The following BANP variants were observed in gnomAD, a reference collection of about 807,000 sequenced individuals.
BANP encodes the protein protein BANP.
A neutral mutation model predicts 68.1 loss-of-function variants in BANP; 11 were observed. The ratio of observed to expected loss-of-function variants is 0.16; its 90% CI spans 0.10 to 0.27. BANP has a LOEUF of 0.27. BANP is among the 10% of genes least tolerant of loss of function. The pLI, the probability that BANP is intolerant of heterozygous loss-of-function variation, is 1.00. For synonymous variants in BANP, 329 were observed against 303.2 expected (o/e 1.09, Z -0.88); for missense variants, 504 against 722.7 (o/e 0.70, Z 3.47).
intron 4 of BANP, among the ~76,000 whole-genome samples, chr16:87,985,203 G>C (rs1390531228): frequency 2.6e-5 from 4 of 152,216 alleles, no homozygotes; most frequent in African/African-American, 2.4e-5. Flanking sequence ...CATGACGGCT[G>C]CTGTGCTGGC....
chr16:87,959,153 G>T (rs149267509), intron 1 of BANP, among the ~76,000 whole-genome samples: 18 of 152,254 alleles, frequency 1.2e-4, no homozygotes, highest in African/African-American at 4.3e-4. Flanking sequence ...TTCTGGCCTT[G>T]TGGGGCGTGG....
Position 88,004,953 on chromosome 16 carries a change from C to G in BANP, c.479+542C>G, listed in dbSNP as rs948237251. Among the ~76,000 whole-genome samples the G allele has an allele frequency of 1.4e-4, 21 of 152,208 alleles. No homozygotes were observed. Among genetic ancestry groups the G allele is most frequent in the African/African-American group, 5.1e-4 (21 of 41,450 alleles). ...CAGTGGCCTCTGGCTGGCATCCAAG[C>G]CCTGCTGTCCCCAGGAGTGCCCCTG... On this transcript the variant is annotated intron_variant, in intron 5 of 13. Coordinates refer to ENST00000682872, the MANE Select transcript of BANP (RefSeq NM_001386991.1). The surrounding 1 kb of genome is among the most constrained non-coding windows in gnomAD (Gnocchi z 7.0).
chr16:88,075,519 G>A (rs2091409673), intron 13 of BANP, among the ~76,000 whole-genome samples: 1 of 152,070 alleles, frequency 6.6e-6, no homozygotes. Context: ...ATAAAATGAA[G>A]CAGGACCTTA....
intron 1 of BANP, among the ~76,000 whole-genome samples, chr16:87,954,222 A>G (rs552382455): frequency 6.6e-6 from 1 of 151,984 alleles, no homozygotes; most frequent in African/African-American, 2.4e-5. Flanking sequence ...GGGCTTTAAT[A>G]TGTGTTCACA....
chr16:88,044,470 T>C (rs2081509497), intron 11 of BANP, among the ~76,000 whole-genome samples: 1 of 152,242 alleles, frequency 6.6e-6, no homozygotes, highest in Non-Finnish European at 1.5e-5. Flanking sequence ...TTTTTTATTG[T>C]TTTCTGTTCT....
chr16:88,044,392 C>T (rs571982600), intron 11 of BANP, among the ~76,000 whole-genome samples: 5 of 152,324 alleles, frequency 3.3e-5, no homozygotes, highest in African/African-American at 9.6e-5. Flanking sequence ...CCCTCGCTCA[C>T]GTGTGTGCAC....
chr16:87,972,121 A>G lies in BANP; in HGVS notation c.-68-2927A>G, dbSNP rs529812567. ...TTTCATCTTTAGCATCTCCTATTAT[A>G]CATATGTTGGGTCTTCTTTTCCTGT... On this transcript the variant is annotated intron_variant, in intron 1 of 13. Coordinates refer to ENST00000682872, the MANE Select transcript of BANP (RefSeq NM_001386991.1). Among the ~76,000 whole-genome samples, 3 of 152,026 alleles carry G rather than the reference A, an allele frequency of 2.0e-5. No homozygotes were observed. In the East Asian group the frequency reaches 5.8e-4, roughly 29 times the overall value.
intron 11 of BANP, among the ~76,000 whole-genome samples, chr16:88,060,679 G>C (rs1485157433): frequency 6.6e-6 from 1 of 152,210 alleles, no homozygotes; most frequent in Non-Finnish European, 1.5e-5. Context: ...CTCACCGTCA[G>C]CTCTGGGCTG....
intron 11 of BANP, among the ~76,000 whole-genome samples, chr16:88,058,472 C>G (rs565484095): frequency 6.6e-6 from 1 of 152,296 alleles, no homozygotes; most frequent in African/African-American, 2.4e-5. Context: ...TCCTAAGTGA[C>G]TCAAGCACAG....
At chr16:87,967,537 ACT>A (rs2060262674) in intron 1 of BANP, among the ~76,000 whole-genome samples, 1 of 150,712 alleles carries the variant, frequency 6.6e-6, no homozygotes, top group African/African-American at 2.4e-5. Flanking sequence ...CTCACCGCAA[ACT>A]CTGCCTCCTG....
Position 88,024,134 on chromosome 16 carries a change from G to GAGGGAGCTC in BANP, c.896-3345_896-3337dup, listed in dbSNP as rs1275144843. Among the ~76,000 whole-genome samples the GAGGGAGCTC allele has an allele frequency of 2.6e-5, 4 of 152,324 alleles. No homozygotes were observed. In the East Asian group the frequency reaches 5.8e-4, roughly 22 times the overall value. On this transcript the variant is annotated intron_variant, in intron 7 of 13. Coordinates refer to ENST00000682872, the MANE Select transcript of BANP (RefSeq NM_001386991.1). ...GCAGGGGCTGCAGGTGCCTTGGGCT[G>GAGGGAGCTC]AGGGAGCTCAGGACAGCAGAGTCAC...
intron 2 of BANP, among the ~76,000 whole-genome samples, chr16:87,975,546 A>T (rs1055780779): frequency 2.0e-5 from 3 of 147,450 alleles, no homozygotes; most frequent in African/African-American, 5.1e-5. Context: ...GCGTCATGGA[A>T]CCTTACCATG....
At chr16:87,950,837 G>T (rs1367136788), upstream of BANP, 1 of 152,312 alleles carries the variant, frequency 6.6e-6, no homozygotes, top group African/African-American at 2.4e-5. Flanking sequence ...AGGCCCCTCT[G>T]GATAGACACT....
intron 10 of BANP, 127 bp downstream of exon 10, chr16:88,035,521 A>C: frequency 1.2e-6 from 1 of 833,790 alleles, no homozygotes; most frequent in Admixed American, 2.5e-5. Flanking sequence ...CAAGGGCTGC[A>C]GGACTCCGCT....
chr16:88,001,264 C>A (rs187672695), intron 4 of BANP, among the ~76,000 whole-genome samples: 1 of 102,722 alleles, frequency 9.7e-6, no homozygotes, highest in African/African-American at 4.5e-5. Flanking sequence ...ACTTACCTGT[C>A]CTTCCAGACA....
intron 1 of BANP, among the ~76,000 whole-genome samples, chr16:87,968,709 T>A (rs2060568396): frequency 6.6e-6 from 1 of 152,052 alleles, no homozygotes; most frequent in Non-Finnish European, 1.5e-5. Flanking sequence ...GCTATGTGGT[T>A]TCTGCTTCCC....
At chr16:87,994,009 A>G (rs1383331862) in intron 4 of BANP, among the ~76,000 whole-genome samples, 1 of 152,150 alleles carries the variant, frequency 6.6e-6, no homozygotes, top group African/African-American at 2.4e-5. Flanking sequence ...AGATGACGTT[A>G]GAGACCAGGA....
intron 6 of BANP, among the ~76,000 whole-genome samples, chr16:88,016,789 G>A (rs950009576): frequency 1.3e-5 from 2 of 152,156 alleles, no homozygotes; most frequent in African/African-American, 4.8e-5. Context: ...AAAAATGCAC[G>A]TCTGAGCGTA....
intron 2 of BANP, among the ~76,000 whole-genome samples, chr16:87,977,787 A>G (rs991743180): frequency 2.0e-5 from 3 of 152,158 alleles, no homozygotes; most frequent in African/African-American, 7.2e-5. Flanking sequence ...ACCTGTCTGA[A>G]TGCAAAAATT....
Sources: allele counts gnomAD v4.1 joint callset (sites outside exome capture counted in the v4.1 genomes callset), GRCh38; gene constraint gnomAD v4.1.1; non-coding constraint Gnocchi (gnomAD v3.1); transcripts MANE v1.5; gene names NCBI Gene and HGNC (gene_info 2026-07-23, HGNC 2026-07-21).